CPAMD8: variants seen among roughly 807,000 people sequenced by gnomAD.
CPAMD8 encodes the protein C3 and PZP-like alpha-2-macroglobulin domain-containing protein 8.
CPAMD8 carries 146 observed loss-of-function variants against 224.7 expected under a neutral mutation model. The ratio of observed to expected loss-of-function variants is 0.65; its 90% CI spans 0.57 to 0.75. CPAMD8 has a LOEUF of 0.75. CPAMD8 is among the 30% of genes least tolerant of loss of function. The pLI, the probability that CPAMD8 is intolerant of heterozygous loss-of-function variation, is 0.00. For missense variants in CPAMD8, 2,301 were observed against 2,537.5 expected (o/e 0.91, Z 2.00); for synonymous variants, 966 against 1,044.6 (o/e 0.92, Z 1.45).
At chr19:16,977,102 A>G (rs16981520) in intron 15 of CPAMD8, among the ~76,000 whole-genome samples, 66,811 of 151,906 alleles carry the variant, frequency 0.44, 16,669 homozygotes, top group African/African-American at 0.69. Context: ...TGAGGGTGCC[A>G]ATGGAAACAA....
intron 30 of CPAMD8, among the ~76,000 whole-genome samples, chr19:16,906,210 T>C (rs1039863779): frequency 6.6e-6 from 1 of 152,134 alleles, no homozygotes; most frequent in Non-Finnish European, 1.5e-5. Flanking sequence ...ATGAATACTA[T>C]AATCAACAAA....
intron 17 of CPAMD8, among the ~76,000 whole-genome samples, chr19:16,974,166 C>T (rs1027172064): frequency 6.6e-6 from 1 of 151,622 alleles, no homozygotes; most frequent in Admixed American, 6.6e-5. Context: ...GAGTCTCGCT[C>T]TGTCGCCCAG....
chr19:16,904,958 T>A lies in CPAMD8; in HGVS notation c.4028-406A>T, dbSNP rs532157413. Among the ~76,000 whole-genome samples, 174 of 152,346 alleles carry A rather than the reference T, an allele frequency of 1.1e-3. 1 individual carries two copies. Among genetic ancestry groups the A allele is most frequent in the African/African-American group, 4.1e-3 (169 of 41,580 alleles). On this transcript the variant is annotated intron_variant, in intron 30 of 41. Coordinates refer to ENST00000443236, the MANE Select transcript of CPAMD8 (RefSeq NM_015692.5). ...TCGACTTGCAAAGGCTCAAAGATTC[T>A]GGCCAGGCACAGTGGCTCACGCCTG...
chr19:16,941,000 A>G (rs763108302), intron 22 of CPAMD8, among the ~76,000 whole-genome samples: 16 of 152,176 alleles, frequency 1.1e-4, no homozygotes, highest in Non-Finnish European at 1.9e-4. Context: ...GCGCAGTCTC[A>G]GCTCACTGCA....
At chr19:16,967,934 T>TATATGTGC (rs373786746) in intron 18 of CPAMD8, among the ~76,000 whole-genome samples, 25 of 151,438 alleles carry the variant, frequency 1.7e-4, no homozygotes, top group East Asian at 3.9e-4. Context: ...CATGTGTGTA[T>TATATGTGC]ATATATACAT....
intron 23 of CPAMD8, among the ~76,000 whole-genome samples, chr19:16,937,005 T>G (rs2053707733): frequency 6.6e-6 from 1 of 151,854 alleles, no homozygotes; most frequent in African/African-American, 2.4e-5. Context: ...CCTTCCTTCC[T>G]TTTTTCCTTC....
At position 16,922,067 on chromosome 19, in the gene CPAMD8, G is replaced by A. The variant is rs371661605; in HGVS notation, c.3548-81C>T. On this transcript the variant is annotated intron_variant, in intron 26 of 41. Coordinates refer to ENST00000443236, the MANE Select transcript of CPAMD8 (RefSeq NM_015692.5). ...CCCCAGGGACCTACACCACTCTGCC[G>A]TCCCCTACCCCGGATCTCCGAAGCC... 44 of 911,524 alleles carry A rather than the reference G, an allele frequency of 4.8e-5. 1 individual carries two copies. The highest frequency in any genetic ancestry group is 3.2e-4 in the Middle Eastern group (1 of 3,142). 56.5% of individuals were successfully genotyped at this position (911,524 alleles called of 1,614,324 possible).
rs764083346 is a variant in CPAMD8, at chr19:16,901,289, T to C, written c.4694A>G (p.His1565Arg). 9.9e-6 allele frequency: 16 copies of C among 1,609,956 alleles called. No homozygotes were observed. The highest frequency in any genetic ancestry group is 1.4e-5 in the Non-Finnish European group (16 of 1,177,292). Residue 1565 changes from histidine (H) to arginine (R), a missense_variant, in exon 36 of 42, where the codon CAT becomes CGT. Physicochemically the swap from His to Arg is conservative, Grantham distance 29. Coordinates refer to ENST00000443236, the MANE Select transcript of CPAMD8 (RefSeq NM_015692.5). ...VMLEVCTRWL[H>R]AGSSNMAVLE... ...GACAGCCATATTGGAAGACCCTGCA[T>C]GCAGCCACCTTCCAACAACAGGGGA...
intron 29 of CPAMD8, among the ~76,000 whole-genome samples, chr19:16,912,743 G>T (rs1793572925): frequency 1.3e-5 from 2 of 151,924 alleles, no homozygotes; most frequent in Admixed American, 1.3e-4. Context: ...GGCGGAGGTT[G>T]CAGTGAGCTG....
chr19:16,975,496 A>C (rs2055231408), intron 16 of CPAMD8, among the ~76,000 whole-genome samples: 1 of 152,084 alleles, frequency 6.6e-6, no homozygotes, highest in Non-Finnish European at 1.5e-5. Context: ...GGCTTGTGCA[A>C]AGGAGTTCGA....
chr19:17,010,709 G>C (rs923351751), intron 5 of CPAMD8, among the ~76,000 whole-genome samples: 4 of 152,148 alleles, frequency 2.6e-5, no homozygotes, highest in African/African-American at 9.6e-5. Context: ...TACAGACAGA[G>C]AGAGAGCGCT....
At chr19:16,987,179 A>AATATATATATATATATATATATATAT (rs775029154) in intron 13 of CPAMD8, among the ~76,000 whole-genome samples, 6 of 53,916 alleles carry the variant, frequency 1.1e-4, no homozygotes, top group African/African-American at 2.1e-4. Flanking sequence ...AAAAAAAAAA[A>AATATATATATATATATATATATATAT]ATATATATAT....
At chr19:16,955,352 A>C (rs1393966734) in intron 19 of CPAMD8, among the ~76,000 whole-genome samples, 1 of 152,064 alleles carries the variant, frequency 6.6e-6, no homozygotes, top group Non-Finnish European at 1.5e-5. Context: ...ACAAAGATGA[A>C]CCTTGGGGAC....
At chr19:17,004,964 C>G (rs543817749) in intron 7 of CPAMD8, among the ~76,000 whole-genome samples, 149 of 139,940 alleles carry the variant, frequency 1.1e-3, no homozygotes, top group Middle Eastern at 4.8e-3. Context: ...GAGAGACAGA[C>G]AGAGAGAGAG....
At position 16,898,009 on chromosome 19, in the gene CPAMD8, C is replaced by A; in HGVS notation, c.4849-15G>T. 2.5e-6 allele frequency: 4 copies of A among 1,595,490 alleles called. No individual in the cohort carries two copies. Among genetic ancestry groups the A allele is most frequent in the Non-Finnish European group, 3.4e-6 (4 of 1,171,996 alleles). Reference sequence around the variant, plus strand: ...CGGCTGGGGATCTGTGGGGCAGCGGCGGGCGCAGGCTCGACCCGGGCCAGG... The same window carrying A: ...CGGCTGGGGATCTGTGGGGCAGCGGAGGGCGCAGGCTCGACCCGGGCCAGG... On this transcript the variant is annotated splice_polypyrimidine_tract_variant and intron_variant, in intron 37 of 41. Coordinates refer to ENST00000443236, the MANE Select transcript of CPAMD8 (RefSeq NM_015692.5). This position sits in a 1 kb window ranked among gnomAD's most constrained non-coding sequence, Gnocchi z 4.2.
chr19:16,988,688 C>T (rs1192188222), intron 13 of CPAMD8, among the ~76,000 whole-genome samples: 1 of 152,052 alleles, frequency 6.6e-6, no homozygotes, highest in African/African-American at 2.4e-5. Flanking sequence ...TCTCCCCTTG[C>T]TGGGGAGATA....
At chr19:17,008,094 G>A (rs576865995) in intron 7 of CPAMD8, among the ~76,000 whole-genome samples, 6 of 152,330 alleles carry the variant, frequency 3.9e-5, no homozygotes, top group Non-Finnish European at 8.8e-5. Flanking sequence ...TCTTGAACCC[G>A]GGAGGCAGAG....
intron 27 of CPAMD8, among the ~76,000 whole-genome samples, chr19:16,921,482 C>T (rs964536811): frequency 6.6e-6 from 1 of 152,078 alleles, no homozygotes; most frequent in Non-Finnish European, 1.5e-5. Flanking sequence ...ACCACAGAAA[C>T]AAGATCCCAG....
At chr19:16,921,163 A>G (rs972418871) in intron 27 of CPAMD8, among the ~76,000 whole-genome samples, 6 of 152,126 alleles carry the variant, frequency 3.9e-5, no homozygotes, top group African/African-American at 1.4e-4. Flanking sequence ...GATGCTGCCC[A>G]TGGCAGGAAG....
Sources: allele counts gnomAD v4.1 joint callset (sites outside exome capture counted in the v4.1 genomes callset), GRCh38; gene constraint gnomAD v4.1.1; non-coding constraint Gnocchi (gnomAD v3.1); transcripts MANE v1.5; gene names NCBI Gene and HGNC (gene_info 2026-07-23, HGNC 2026-07-21).